GRID2: variants seen among roughly 807,000 people sequenced by gnomAD.
GRID2 encodes the protein glutamate ionotropic receptor delta type subunit 2, also known as glutamate receptor ionotropic, delta-2.
GRID2 carries 33 observed loss-of-function variants against 114.8 expected under a neutral mutation model. The observed-to-expected ratio is 0.29, with a 90% CI of 0.22 to 0.38. GRID2 has a LOEUF of 0.38. Ranked by LOEUF, GRID2 falls within the 10% of genes least tolerant of loss-of-function variation. The probability of loss-of-function intolerance (pLI) is 1.00; values close to 1 mark genes in which losing one functional copy is unlikely to be tolerated. For missense variants in GRID2, 1,184 were observed against 1,257.7 expected (o/e 0.94, Z 0.89); for synonymous variants, 505 against 449.9 (o/e 1.12, Z -1.55).
At chr4:93,747,040 G>C (rs573396974) in intron 14 of GRID2, among the ~76,000 whole-genome samples, 1 of 151,852 alleles carries the variant, frequency 6.6e-6, no homozygotes, top group African/African-American at 2.4e-5. Context: ...TTATGTTTTA[G>C]TGTTTCAAAA....
chr4:93,252,987 C>T (rs980307515), intron 8 of GRID2, among the ~76,000 whole-genome samples: 23 of 152,056 alleles, frequency 1.5e-4, no homozygotes, highest in Admixed American at 4.6e-4. Context: ...AAGTGGTTTA[C>T]GCCTGTAATC....
At chr4:93,021,396 AAT>A (rs1315480110) in intron 2 of GRID2, among the ~76,000 whole-genome samples, 3 of 150,198 alleles carry the variant, frequency 2.0e-5, no homozygotes, top group Non-Finnish European at 4.4e-5. Context: ...TATAAATGTT[AAT>A]AGAGTTATTT....
intron 1 of GRID2, among the ~76,000 whole-genome samples, chr4:92,492,987 G>T (rs928585614): frequency 2.6e-5 from 4 of 151,836 alleles, no homozygotes; most frequent in Non-Finnish European, 5.9e-5. Context: ...AAATTAGCCA[G>T]GTGTGGTGGC....
chr4:93,660,384 C>A (rs1723382997), intron 14 of GRID2, among the ~76,000 whole-genome samples: 1 of 151,826 alleles, frequency 6.6e-6, no homozygotes. Flanking sequence ...GAAAAAGGAG[C>A]CTTTTTTATA....
At chr4:93,727,233 A>G (rs1469307908) in intron 14 of GRID2, among the ~76,000 whole-genome samples, 2 of 152,182 alleles carry the variant, frequency 1.3e-5, no homozygotes, top group Admixed American at 6.5e-5. Flanking sequence ...TTCTGCATCT[A>G]TTAAGATAAT....
At chr4:92,307,028 TAAAAAAA>T (rs1231754880) in intron 1 of GRID2, among the ~76,000 whole-genome samples, 1 of 151,880 alleles carries the variant, frequency 6.6e-6, no homozygotes, top group Non-Finnish European at 1.5e-5. Context: ...ACTCCTAAAT[TAAAAAAA>T]TAAAAAATGA....
chr4:93,223,269 CT>C (rs1373720114), intron 6 of GRID2, among the ~76,000 whole-genome samples: 1 of 152,064 alleles, frequency 6.6e-6, no homozygotes, highest in African/African-American at 2.4e-5. Flanking sequence ...CTAATACTTC[CT>C]TATGAAGGAC....
chr4:93,130,159 G>T (rs1309791063), intron 4 of GRID2, among the ~76,000 whole-genome samples: 2 of 152,202 alleles, frequency 1.3e-5, no homozygotes, highest in East Asian at 1.9e-4. Context: ...TACCTTAAAA[G>T]ATCGGTGTGG....
chr4:92,966,803 G>C (rs1349634807), intron 2 of GRID2, among the ~76,000 whole-genome samples: 1 of 151,916 alleles, frequency 6.6e-6, no homozygotes, highest in Non-Finnish European at 1.5e-5. Context: ...TATTAGCAGT[G>C]TGAAAATGAA....
chr4:92,411,649 G>GTATATA lies in GRID2; in HGVS notation c.88+106906_88+106907insATATAT, dbSNP rs1320090236. On this transcript the variant is annotated intron_variant, in intron 1 of 15. Transcript: ENST00000282020. ...CATGTGTGTGTGTGTGTGTGTGTGT[G>GTATATA]TGTGTGTATATATATATATATATAT... Among the ~76,000 whole-genome samples the GTATATA allele has an allele frequency of 6.6e-3, 624 of 94,738 alleles. 10 individuals carry two copies. Among genetic ancestry groups the GTATATA allele is most frequent in the Middle Eastern group, 0.027 (5 of 184 alleles). 62.2% of individuals were successfully genotyped at this position (94,738 alleles called of 152,430 possible).
chr4:93,145,943 T>C (rs1002162496), intron 4 of GRID2, among the ~76,000 whole-genome samples: 2 of 152,068 alleles, frequency 1.3e-5, no homozygotes, highest in Non-Finnish European at 2.9e-5. Flanking sequence ...ATATTCTCTC[T>C]AGTTTTTGCC....
chr4:93,578,294 T>A (rs1476183031), intron 13 of GRID2, among the ~76,000 whole-genome samples: 1 of 152,178 alleles, frequency 6.6e-6, no homozygotes, highest in South Asian at 2.1e-4. Flanking sequence ...GAAAAATAGG[T>A]ATTTTGAGAG....
At chr4:93,698,822 A>C (rs1727265140) in intron 14 of GRID2, among the ~76,000 whole-genome samples, 1 of 152,040 alleles carries the variant, frequency 6.6e-6, no homozygotes, top group South Asian at 2.1e-4. Context: ...AAGTAATATG[A>C]TGTGATAGGT....
At chr4:93,145,052 T>G (rs973421507) in intron 4 of GRID2, among the ~76,000 whole-genome samples, 1 of 152,192 alleles carries the variant, frequency 6.6e-6, no homozygotes, top group African/African-American at 2.4e-5. Context: ...ATAGCCGTTT[T>G]CTCTTCCCAG....
intron 8 of GRID2, among the ~76,000 whole-genome samples, chr4:93,361,879 G>T (rs941690609): frequency 2.0e-5 from 3 of 152,038 alleles, no homozygotes; most frequent in African/African-American, 7.2e-5. Context: ...GGATGTGCAG[G>T]TTGGTTACAT....
chr4:93,566,685 G>A (rs947983282), intron 13 of GRID2, among the ~76,000 whole-genome samples: 4 of 151,942 alleles, frequency 2.6e-5, no homozygotes, highest in African/African-American at 4.8e-5. Flanking sequence ...TATGAGAATC[G>A]CCTGAACCCA....
chr4:92,878,480 G>A (rs371576334), intron 2 of GRID2, among the ~76,000 whole-genome samples: 1 of 152,140 alleles, frequency 6.6e-6, no homozygotes, highest in Non-Finnish European at 1.5e-5. Flanking sequence ...TAGAGGATGG[G>A]GAGAAAAGAG....
intron 2 of GRID2, among the ~76,000 whole-genome samples, chr4:92,839,441 C>G (rs530668432): frequency 9.1e-5 from 13 of 142,868 alleles, no homozygotes; most frequent in Admixed American, 7.1e-4. Flanking sequence ...ACAACAGTCC[C>G]CAGAGTGTGA....
At chr4:93,727,725 G>A (rs1205482127) in intron 14 of GRID2, among the ~76,000 whole-genome samples, 1 of 152,200 alleles carries the variant, frequency 6.6e-6, no homozygotes, top group Non-Finnish European at 1.5e-5. Flanking sequence ...GAGAGTGTAT[G>A]TGTTGAGGAA....
Sources: allele counts gnomAD v4.1 joint callset (sites outside exome capture counted in the v4.1 genomes callset), GRCh38; gene constraint gnomAD v4.1.1; transcripts MANE v1.5; gene names NCBI Gene and HGNC (gene_info 2026-07-23, HGNC 2026-07-21).